The following TOPAZ1 variants were observed in gnomAD, a reference collection of about 807,000 sequenced individuals.
TOPAZ1 encodes protein TOPAZ1.
A neutral mutation model predicts 172.2 loss-of-function variants in TOPAZ1; 66 were observed. That is an observed-to-expected ratio of 0.38 (90% CI 0.31 to 0.47). The LOEUF (loss-of-function observed/expected upper bound fraction) is 0.47. Ranked by LOEUF, TOPAZ1 falls within the 20% of genes least tolerant of loss-of-function variation. The probability of loss-of-function intolerance (pLI) is 0.99; values close to 1 mark genes in which losing one functional copy is unlikely to be tolerated. For synonymous variants in TOPAZ1, 681 were observed against 683.9 expected, an observed-to-expected ratio of 1.00 and a Z score of 0.07; for missense variants, 1,822 against 1,972.4, an observed-to-expected ratio of 0.92 and a Z score of 1.44.
chr3:44,316,250 AAAAT>A (rs1289189567), intron 16 of TOPAZ1, among the ~76,000 whole-genome samples: 5 of 152,310 alleles, frequency 3.3e-5, no homozygotes, highest in Non-Finnish European at 5.9e-5. Context: ...TGTCTCAAAA[AAAAT>A]AAATAAAGTA....
intron 8 of TOPAZ1, among the ~76,000 whole-genome samples, chr3:44,276,896 C>G (rs2372597): frequency 4.0e-5 from 6 of 151,778 alleles, no homozygotes; most frequent in Admixed American, 3.3e-4. Context: ...GTTCAAGCTA[C>G]TCTCCTGCCT....
At chr3:44,300,997 G>A (rs1371126474) in intron 12 of TOPAZ1, among the ~76,000 whole-genome samples, 1 of 152,072 alleles carries the variant, frequency 6.6e-6, no homozygotes, top group Admixed American at 6.6e-5. Flanking sequence ...CAAGGGAATT[G>A]TGTTGAATTT....
At chr3:44,260,243 A>C (rs1699760907) in intron 4 of TOPAZ1, among the ~76,000 whole-genome samples, 1 of 152,160 alleles carries the variant, frequency 6.6e-6, no homozygotes, top group African/African-American at 2.4e-5. Flanking sequence ...GGACTAATAC[A>C]TGCCCATTTG....
At chr3:44,310,381 C>T (rs1157010264) in intron 16 of TOPAZ1, among the ~76,000 whole-genome samples, 1 of 152,050 alleles carries the variant, frequency 6.6e-6, no homozygotes, top group African/African-American at 2.4e-5. Flanking sequence ...CGCTTGTAAT[C>T]CCAACTACTC....
At chr3:44,260,012 G>A (rs1480854038) in intron 4 of TOPAZ1, among the ~76,000 whole-genome samples, 1 of 152,144 alleles carries the variant, frequency 6.6e-6, no homozygotes, top group Non-Finnish European at 1.5e-5. Context: ...ATTGTTTTAT[G>A]ATAGTGAGTT....
intron 4 of TOPAZ1, among the ~76,000 whole-genome samples, chr3:44,257,830 C>G (rs1372087125): frequency 2.0e-5 from 3 of 152,170 alleles, no homozygotes; most frequent in African/African-American, 7.2e-5. Context: ...GTGACCACCA[C>G]TGCAGTCAAA....
Position 44,267,155 on chromosome 3 carries a change from A to G in TOPAZ1, c.3160+19A>G, listed in dbSNP as rs935696192. On this transcript the variant is annotated intron_variant, in intron 6 of 19. Coordinates refer to ENST00000309765, the MANE Select transcript of TOPAZ1 (RefSeq NM_001145030.2). ...ATGAATGGTACTATTTGTTTTCTTA[A>G]TGAAATCCTGTTGGCTTTTGGTGAT... 1.3e-6 allele frequency: 2 copies of G among 1,482,782 alleles called. No individual in the cohort carries two copies. Among genetic ancestry groups the G allele is most frequent in the Non-Finnish European group, 1.8e-6 (2 of 1,116,784 alleles). 91.9% of individuals were successfully genotyped at this position (1,482,782 alleles called of 1,614,324 possible). A position where few individuals can be genotyped will look rare whatever the true frequency, so the allele number is the denominator to read the frequency against.
At chr3:44,309,724 T>TG in intron 15 of TOPAZ1, 101 bp from the exon 16 acceptor site, 1 of 855,038 alleles carries the variant, frequency 1.2e-6, no homozygotes, top group Non-Finnish European at 1.8e-6. Context: ...CAGTCTAGGA[T>TG]GATGATTCAA....
chr3:44,267,657 G>A (rs778116117), intron 6 of TOPAZ1, among the ~76,000 whole-genome samples: 22 of 152,102 alleles, frequency 1.4e-4, no homozygotes, highest in Admixed American at 3.9e-4. Flanking sequence ...GTGGTAGTAC[G>A]AGTAAATTAC....
rs143375976 is a variant in TOPAZ1 at position 44,304,976 on chromosome 3, G to A, written c.3865-171G>A. 1.5e-3 allele frequency among the ~76,000 whole-genome samples: 221 copies of A among 152,294 alleles called. 1 individual carries two copies. Among genetic ancestry groups the A allele is most frequent in the Middle Eastern group, 3.4e-3 (1 of 294 alleles). ...TAGCCAGAAAAGCAAAGTTACAATA[G>A]TGTGTTGTTGATGTGATACTTGTTG... On this transcript the variant is annotated intron_variant, in intron 13 of 19. Transcript: ENST00000309765.
chr3:44,305,097 A>G (rs771254352), intron 13 of TOPAZ1, 50 bp from the exon 14 acceptor site: 1 of 1,327,366 alleles, frequency 7.5e-7, no homozygotes, highest in Non-Finnish European at 1.0e-6. Flanking sequence ...CATAAATGAC[A>G]TAGTTTTCAT....
chr3:44,257,979 A>G (rs1260094482), intron 4 of TOPAZ1, among the ~76,000 whole-genome samples: 1 of 152,042 alleles, frequency 6.6e-6, no homozygotes, highest in Admixed American at 6.5e-5. Flanking sequence ...TTATTAATTG[A>G]TAATTCTAAA....
chr3:44,312,065 A>C (rs1421785974), intron 16 of TOPAZ1, among the ~76,000 whole-genome samples: 3 of 152,168 alleles, frequency 2.0e-5, no homozygotes, highest in African/African-American at 7.2e-5. Flanking sequence ...ATATTAAATT[A>C]TCTGGAATAT....
At chr3:44,253,469 G>T (rs1699659066) in intron 2 of TOPAZ1, among the ~76,000 whole-genome samples, 1 of 152,272 alleles carries the variant, frequency 6.6e-6, no homozygotes, top group East Asian at 1.9e-4. Flanking sequence ...CATCAGATGG[G>T]GGTGAGGCAG....
chr3:44,326,274 G>A (rs1015231476), intron 18 of TOPAZ1, among the ~76,000 whole-genome samples: 4 of 152,110 alleles, frequency 2.6e-5, no homozygotes, highest in African/African-American at 7.2e-5. Flanking sequence ...CCCACCAGCC[G>A]TGTACGGGAT....
chr3:44,310,739 G>A (rs532551145), intron 16 of TOPAZ1, among the ~76,000 whole-genome samples: 9 of 152,312 alleles, frequency 5.9e-5, no homozygotes, highest in African/African-American at 1.2e-4. Context: ...GGCTTCAGCC[G>A]CTGTGTAAAA....
At chr3:44,254,431 C>G (rs953334147) in intron 2 of TOPAZ1, among the ~76,000 whole-genome samples, 4 of 152,056 alleles carry the variant, frequency 2.6e-5, no homozygotes, top group African/African-American at 9.7e-5. Context: ...AGTTTGAGAC[C>G]AGCCTGACCA....
chr3:44,296,623 A>C (rs1192529661), intron 12 of TOPAZ1, among the ~76,000 whole-genome samples: 1 of 152,142 alleles, frequency 6.6e-6, no homozygotes, highest in Non-Finnish European at 1.5e-5. Flanking sequence ...GAACTAGATC[A>C]TCTAAATAGT....
chr3:44,244,593 C>T lies in TOPAZ1; in HGVS notation c.2087C>T (p.Ser696Leu), dbSNP rs765416552. 5.2e-6 allele frequency: 8 copies of T among 1,550,100 alleles called. No homozygotes were observed. The highest frequency in any genetic ancestry group is 7.0e-6 in the Non-Finnish European group (8 of 1,146,568). The change falls in exon 2 of 20, where the codon TCA becomes TTA. Residue 696 changes from serine (S) to leucine (L), a missense_variant. Physicochemically the swap from Ser to Leu is moderately radical, Grantham distance 145 (BLOSUM62 -2). Coordinates refer to ENST00000309765, the MANE Select transcript of TOPAZ1 (RefSeq NM_001145030.2). ...AAAATTCCTTTACTTAAGAATAAATCAGAAAAAAGAAAAGAAGTAAATGCC... is the reference window on the plus strand; with the variant it reads ...AAAATTCCTTTACTTAAGAATAAATTAGAAAAAAGAAAAGAAGTAAATGCC... ...NFKIPLLKNK[S>L]EKRKEVNAKS...
Sources: gnomAD v4.1 joint callset for allele counts (sites outside exome capture counted in the v4.1 genomes callset) on GRCh38, gnomAD v4.1.1 for gene constraint, MANE v1.5 for transcripts, NCBI Gene and HGNC (gene_info 2026-07-23, HGNC 2026-07-21) for gene names.